Variants in ADGRB3 observed in about 807,000 individuals in gnomAD.
ADGRB3 encodes the protein brain-specific angiogenesis inhibitor 3.
ADGRB3 carries 37 observed loss-of-function variants against 193.4 expected under a neutral mutation model. The observed-to-expected ratio is 0.19, with a 90% confidence interval of 0.15 to 0.25. The LOEUF (loss-of-function observed/expected upper bound fraction) is 0.25. Among genes scored for constraint, ADGRB3 ranks in the 10% least tolerant of loss-of-function variants. ADGRB3 has a pLI of 1.00. For missense variants in ADGRB3, 1,637 were observed against 1,852.9 expected, an observed-to-expected ratio of 0.88 and a Z score of 2.14; for synonymous variants, 690 against 644.2, an observed-to-expected ratio of 1.07 and a Z score of -1.08.
intron 20 of ADGRB3, among the ~76,000 whole-genome samples, chr6:69,269,848 G>A (rs1169259428): frequency 1.3e-5 from 2 of 151,982 alleles, no homozygotes; most frequent in African/African-American, 2.4e-5. Flanking sequence ...ATTAAATATT[G>A]TAAAAGCTAC....
In ADGRB3 at chr6:69,197,285, T is replaced by C. The variant is rs1327011003; in HGVS notation, c.2481-36005T>C. Among the ~76,000 whole-genome samples the C allele has an allele frequency of 4.6e-5, 7 of 152,230 alleles. No individual in the cohort carries two copies. The East Asian group carries it at 1.3e-3, about 29-fold the overall frequency. On this transcript the variant is annotated intron_variant, in intron 17 of 31. Coordinates refer to ENST00000370598, the MANE Select transcript of ADGRB3 (RefSeq NM_001704.3). ...AGAACAAAAATACTTTAACTTTTAA[T>C]TTTTACAAATGTATGTATTTTATAT... is the stretch of plus-strand genomic sequence containing the variant.
intron 17 of ADGRB3, among the ~76,000 whole-genome samples, chr6:69,086,187 TA>T (rs1436756580): frequency 4.6e-5 from 7 of 152,126 alleles, no homozygotes; most frequent in African/African-American, 1.7e-4. Context: ...ACATGGTCTA[TA>T]AAAAAGTAAT....
chr6:69,345,744 C>T (rs1582646431), intron 26 of ADGRB3, among the ~76,000 whole-genome samples: 1 of 151,876 alleles, frequency 6.6e-6, no homozygotes, highest in East Asian at 1.9e-4. Flanking sequence ...AGTATTGAAA[C>T]TTCTGGCCAG....
chr6:69,012,811 G>C (rs1014044517), intron 11 of ADGRB3, among the ~76,000 whole-genome samples: 1 of 152,064 alleles, frequency 6.6e-6, no homozygotes, highest in African/African-American at 2.4e-5. Context: ...TAGCACCCAG[G>C]TGAGCTTCTT....
chr6:68,858,231 ACTGTGG>A (rs1258690431), intron 3 of ADGRB3, among the ~76,000 whole-genome samples: 7 of 152,166 alleles, frequency 4.6e-5, no homozygotes, highest in African/African-American at 1.7e-4. Context: ...CTGGCCAGGC[ACTGTGG>A]CTCACGCCTG....
At chr6:68,958,894 TG>T (rs1768155889) in intron 8 of ADGRB3, among the ~76,000 whole-genome samples, 1 of 151,814 alleles carries the variant, frequency 6.6e-6, no homozygotes. Flanking sequence ...TGTGTGTGTG[TG>T]TGTGTGTGTG....
intron 25 of ADGRB3, 28 bp downstream of exon 25, chr6:69,339,042 G>C (rs1768916303): frequency 6.2e-7 from 1 of 1,608,922 alleles, no homozygotes; most frequent in South Asian, 1.1e-5. Flanking sequence ...ACATCTTCTT[G>C]TTACAAATCT....
intron 31 of ADGRB3, among the ~76,000 whole-genome samples, chr6:69,384,688 G>A (rs921832208): frequency 1.3e-5 from 2 of 151,924 alleles, no homozygotes; most frequent in Admixed American, 6.6e-5. Context: ...GCCTTTTCTA[G>A]AAGAGATTTA....
chr6:68,806,552 C>T (rs1767404731), intron 3 of ADGRB3, among the ~76,000 whole-genome samples: 1 of 151,916 alleles, frequency 6.6e-6, no homozygotes, highest in Middle Eastern at 3.6e-3. Context: ...TTCTCAGAGA[C>T]AATAACTGTT....
intron 29 of ADGRB3, among the ~76,000 whole-genome samples, chr6:69,368,422 G>A (rs140206459): frequency 6.6e-6 from 1 of 152,234 alleles, no homozygotes; most frequent in African/African-American, 2.4e-5. Context: ...CATGCTGGTG[G>A]ATTGAATGTG....
At chr6:69,386,905 T>C (rs1262075944) in intron 31 of ADGRB3, among the ~76,000 whole-genome samples, 1 of 152,116 alleles carries the variant, frequency 6.6e-6, no homozygotes, top group Non-Finnish European at 1.5e-5. Flanking sequence ...TATTAACATG[T>C]TTTAACCTCC....
At chr6:68,982,418 G>C (rs1403113145) in intron 10 of ADGRB3, among the ~76,000 whole-genome samples, 1 of 152,118 alleles carries the variant, frequency 6.6e-6, no homozygotes, top group African/African-American at 2.4e-5. Flanking sequence ...CTTTTAATAA[G>C]ACTATATCTG....
intron 20 of ADGRB3, among the ~76,000 whole-genome samples, chr6:69,304,251 G>A (rs1195131455): frequency 1.3e-5 from 2 of 149,178 alleles, no homozygotes; most frequent in African/African-American, 2.6e-5. Context: ...TATATTGAGT[G>A]AATAATTAAA....
intron 17 of ADGRB3, among the ~76,000 whole-genome samples, chr6:69,197,292 A>G (rs1765321240): frequency 6.6e-6 from 1 of 152,068 alleles, no homozygotes; most frequent in African/African-American, 2.4e-5. Flanking sequence ...TAATTTTTAC[A>G]AATGTATGTA....
chr6:69,000,772 T>C (rs1769553406), intron 11 of ADGRB3, among the ~76,000 whole-genome samples: 1 of 152,236 alleles, frequency 6.6e-6, no homozygotes. Context: ...TTGGCTATGA[T>C]GGTGCTGTGC....
intron 6 of ADGRB3, among the ~76,000 whole-genome samples, chr6:68,954,880 AC>A (rs1768028139): frequency 6.6e-6 from 1 of 151,874 alleles, no homozygotes; most frequent in African/African-American, 2.4e-5. Flanking sequence ...ACGGGGTTTC[AC>A]CGTGTTAGCC....
intron 3 of ADGRB3, among the ~76,000 whole-genome samples, chr6:68,675,436 G>A (rs550722458): frequency 3.3e-5 from 5 of 151,996 alleles, no homozygotes; most frequent in African/African-American, 1.2e-4. Context: ...ATTATAACTG[G>A]ACTTAAAATT....
At chr6:68,690,090 G>A (rs956757883) in intron 3 of ADGRB3, among the ~76,000 whole-genome samples, 1 of 152,150 alleles carries the variant, frequency 6.6e-6, no homozygotes, top group Admixed American at 6.6e-5. Flanking sequence ...GATTGAAGCT[G>A]TGATGCAAAC....
chr6:69,297,210 T>C (rs768117905), intron 20 of ADGRB3, among the ~76,000 whole-genome samples: 35 of 152,056 alleles, frequency 2.3e-4, no homozygotes, highest in Non-Finnish European at 3.7e-4. Flanking sequence ...TGTTAATATG[T>C]GACATCAATA....
Sources: gnomAD v4.1 joint callset for allele counts (sites outside exome capture counted in the v4.1 genomes callset) on GRCh38, gnomAD v4.1.1 for gene constraint, MANE v1.5 for transcripts, NCBI Gene and HGNC (gene_info 2026-07-23, HGNC 2026-07-21) for gene names.